The following ABCA13 variants were observed in gnomAD, a reference collection of about 807,000 sequenced individuals.
The protein encoded by ABCA13 is ATP-binding cassette sub-family A member 13.
Under a neutral mutation model 478.7 loss-of-function variants are expected in ABCA13, and 476 were observed. The observed-to-expected ratio is 0.99, with a 90% CI of 0.92 to 1.07. The LOEUF (loss-of-function observed/expected upper bound fraction) is 1.07. Among genes scored for constraint, ABCA13 ranks in the 50% least tolerant of loss-of-function variants. The pLI is 0.00. For synonymous variants in ABCA13, 2,252 were observed against 2,158.9 expected, an observed-to-expected ratio of 1.04 and a Z score of -1.20; for missense variants, 6,060 against 5,910.6, an observed-to-expected ratio of 1.03 and a Z score of -0.83.
intron 1 of ABCA13, among the ~76,000 whole-genome samples, chr7:48,177,650 C>T (rs917362702): frequency 2.0e-5 from 3 of 152,212 alleles, no homozygotes; most frequent in East Asian, 1.9e-4. Context: ...TTAGGCCACA[C>T]GGATGACTGA....
At chr7:48,387,212 T>C (rs1815330274) in intron 35 of ABCA13, among the ~76,000 whole-genome samples, 1 of 152,058 alleles carries the variant, frequency 6.6e-6, no homozygotes, top group Admixed American at 6.5e-5. Flanking sequence ...AATGGATGTG[T>C]TAAAAGAAAA....
intron 19 of ABCA13, among the ~76,000 whole-genome samples, chr7:48,285,603 TC>T (rs1797624337): frequency 6.6e-6 from 1 of 152,244 alleles, no homozygotes; most frequent in African/African-American, 2.4e-5. Flanking sequence ...TTGGTCACTG[TC>T]GACTCCACGT....
At chr7:48,474,083 C>CTTGTTTTTCCA (rs1827819389) in intron 45 of ABCA13, among the ~76,000 whole-genome samples, 1 of 151,800 alleles carries the variant, frequency 6.6e-6, no homozygotes. Flanking sequence ...TTCCCCTGGT[C>CTTGTTTTTCCA]TTGTTTTTCC....
intron 42 of ABCA13, among the ~76,000 whole-genome samples, chr7:48,437,246 A>G (rs1318402813): frequency 1.3e-5 from 2 of 151,534 alleles, no homozygotes; most frequent in Non-Finnish European, 2.9e-5. Flanking sequence ...TAGTGAATTG[A>G]CTCTTTTTTT....
intron 42 of ABCA13, among the ~76,000 whole-genome samples, chr7:48,443,760 G>A (rs1393506625): frequency 2.0e-5 from 3 of 152,144 alleles, no homozygotes; most frequent in East Asian, 3.9e-4. Context: ...TCGTGCCTCC[G>A]GTTCCTCCTC....
intron 42 of ABCA13, among the ~76,000 whole-genome samples, chr7:48,431,073 T>G (rs1456497927): frequency 6.6e-6 from 1 of 152,220 alleles, no homozygotes; most frequent in East Asian, 1.9e-4. Flanking sequence ...ATTTTTTAAC[T>G]TCTCTTTTGA....
chr7:48,549,397 G>GT (rs1312044376), intron 55 of ABCA13, among the ~76,000 whole-genome samples: 4 of 151,714 alleles, frequency 2.6e-5, no homozygotes, highest in Admixed American at 1.3e-4. Context: ...ACATGATCTC[G>GT]TTCTTTTTTA....
At chr7:48,474,914 A>C (rs4917157) in intron 45 of ABCA13, among the ~76,000 whole-genome samples, 2 of 152,064 alleles carry the variant, frequency 1.3e-5, no homozygotes, top group African/African-American at 4.8e-5. Context: ...CAACTCACAT[A>C]AACTATGAGA....
In ABCA13 at chr7:48,273,849, A is replaced by G. The variant is rs1562935553; in HGVS notation, c.4183A>G (p.Ile1395Val). ...ENTISSLKGCIVWLDVINHLY... is the reference protein window; with the variant it reads ...ENTISSLKGCVVWLDVINHLY... ...CACAATTAGCAGTCTGAAAGGATGCATTGTATGGTTAGATGTCATAAACCA... is the reference window on the plus strand; with the variant it reads ...CACAATTAGCAGTCTGAAAGGATGCGTTGTATGGTTAGATGTCATAAACCA... Residue 1395 changes from isoleucine to valine, a missense_variant, in exon 17 of 62, where the codon ATT (isoleucine) becomes GTT (valine). Ile to Val is a conservative substitution (Grantham distance 29, BLOSUM62 3). Around this residue, in one of 3 missense-constraint regions of ABCA13, gnomAD observed 4,423 missense variants for 4,309.1 expected, o/e 1.03. Transcript: ENST00000435803. 1 of 1,612,470 alleles carries G rather than the reference A, an allele frequency of 6.2e-7. No homozygotes were observed. Among genetic ancestry groups the G allele is most frequent in the Non-Finnish European group, 8.5e-7 (1 of 1,179,054 alleles).
intron 1 of ABCA13, among the ~76,000 whole-genome samples, chr7:48,185,455 A>G (rs530106088): frequency 6.6e-6 from 1 of 152,246 alleles, no homozygotes; most frequent in Non-Finnish European, 1.5e-5. Flanking sequence ...ATCAAAGCAA[A>G]TAAAACAAAA....
At chr7:48,620,394 G>A (rs1370647172) in intron 59 of ABCA13, among the ~76,000 whole-genome samples, 4 of 152,110 alleles carry the variant, frequency 2.6e-5, no homozygotes, top group Non-Finnish European at 5.9e-5. Context: ...AGCAACCCTC[G>A]GCTTCATGGT....
chr7:48,291,272 C>A (rs1464064133), intron 20 of ABCA13, among the ~76,000 whole-genome samples: 1 of 152,104 alleles, frequency 6.6e-6, no homozygotes, highest in Non-Finnish European at 1.5e-5. Flanking sequence ...AAGTCTGTAC[C>A]CTTGAGCCCT....
At chr7:48,618,836 T>C (rs1029207771) in intron 59 of ABCA13, among the ~76,000 whole-genome samples, 70 of 152,304 alleles carry the variant, frequency 4.6e-4, no homozygotes, top group African/African-American at 1.5e-3. Flanking sequence ...TCAGCTGGTT[T>C]GTATTTGAAA....
intron 3 of ABCA13, among the ~76,000 whole-genome samples, chr7:48,205,319 ATT>A (rs139073752): frequency 1.3e-5 from 2 of 151,798 alleles, no homozygotes; most frequent in Non-Finnish European, 2.9e-5. Context: ...ATTTAACTGC[ATT>A]TTTTTTCCAT....
intron 55 of ABCA13, among the ~76,000 whole-genome samples, chr7:48,540,318 G>C (rs114797831): frequency 0.01 from 1,549 of 152,084 alleles, 32 homozygotes; most frequent in African/African-American, 0.035. Flanking sequence ...TTCATCATTT[G>C]TAAAATAATT....
intron 15 of ABCA13, among the ~76,000 whole-genome samples, chr7:48,255,651 A>T (rs1175418542): frequency 6.6e-6 from 1 of 152,038 alleles, no homozygotes; most frequent in African/African-American, 2.4e-5. Flanking sequence ...ATTCTTTTTT[A>T]TGGCTGTGTA....
chr7:48,315,713 C>T (rs1371051398), intron 26 of ABCA13, among the ~76,000 whole-genome samples: 2 of 152,098 alleles, frequency 1.3e-5, no homozygotes, highest in Admixed American at 6.5e-5. Context: ...CTCCTGACCT[C>T]GTGATCTGCC....
chr7:48,309,946 G>T lies in ABCA13; in HGVS notation c.9322-1G>T, dbSNP rs756294463. 8 of 1,613,724 alleles carry T rather than the reference G, an allele frequency of 5.0e-6. No individual in the cohort carries two copies. Among genetic ancestry groups the T allele is most frequent in the Non-Finnish European group, 6.8e-6 (8 of 1,179,784 alleles). On this transcript the variant is annotated splice_acceptor_variant, in intron 23 of 61. Transcript: ENST00000435803. LOFTEE classifies it high-confidence loss of function. The stretch of plus-strand genomic sequence containing the variant: ...CCTCTAATCTCTGTGCTTTGAAACA[G>T]GTTCTCTTCAGTGCCCTCACCGTAG...
In ABCA13 at chr7:48,274,256, A is replaced by G. The variant is rs1286806345; in HGVS notation, c.4590A>G (p.Ile1530Met). Residue 1530 changes from isoleucine (I) to methionine (M), a missense_variant, in exon 17 of 62, where the codon ATA (isoleucine) becomes ATG (methionine). Coordinates refer to ENST00000435803, the MANE Select transcript of ABCA13 (RefSeq NM_152701.5). Reference sequence around the variant, plus strand: ...TTACTGAATTAATTCTAAGACCAATAGAAATGTCAGATGAAATTCCTAATC... The same window carrying G: ...TTACTGAATTAATTCTAAGACCAATGGAAATGTCAGATGAAATTCCTAATC... Reference protein sequence around the residue: ...RYFTELILRPIEMSDEIPNQF... With the variant: ...RYFTELILRPMEMSDEIPNQF... 6.8e-6 allele frequency: 11 copies of G among 1,613,116 alleles called. No homozygotes were observed. In the South Asian group the frequency reaches 1.2e-4, roughly 18 times the overall value.
Sources: gnomAD v4.1 joint callset for allele counts (sites outside exome capture counted in the v4.1 genomes callset) on GRCh38, gnomAD v4.1.1 for gene constraint, gnomAD v4.1.1 regional missense constraint, MANE v1.5 for transcripts, NCBI Gene and HGNC (gene_info 2026-07-23, HGNC 2026-07-21) for gene names.